Variants in NXPE4 observed in about 807,000 individuals in gnomAD.
NXPE4 encodes NXPE family member 4.
In NXPE4, 42 loss-of-function variants were observed where a neutral mutation model predicts 33.3. The observed-to-expected ratio is 1.26, with a 90% CI of 0.98 to 1.63. The LOEUF is 1.63. Among genes scored for constraint, NXPE4 ranks in the 40% most tolerant of loss-of-function variants. NXPE4 has a pLI of 0.00. For missense variants in NXPE4, 709 were observed against 647.6 expected, an observed-to-expected ratio of 1.09 and a Z score of -1.03; for synonymous variants, 253 against 234.9, an observed-to-expected ratio of 1.08 and a Z score of -0.71.
rs763871832 is a variant in NXPE4, at chr11:114,582,766, G to C, written c.352C>G (p.His118Asp). The stretch of plus-strand genomic sequence containing the variant: ...TGGTCCCTCACCTCCAGCAGGATGT[G>C]CAGCTGGTCTCCCCTGCAGTACGTA... Reference protein sequence around the residue: ...RDTYCRGDQLHILLEVRDHLG... With the variant: ...RDTYCRGDQLDILLEVRDHLG... The change falls in exon 3 of 6, where the codon CAC becomes GAC. Residue 118 changes from histidine (H) to aspartate (D), a missense_variant. By Grantham distance (81) the His-to-Asp change is moderately conservative. Transcript: ENST00000375478. 5.6e-6 allele frequency: 9 copies of C among 1,614,170 alleles called. No individual in the cohort carries two copies. Among genetic ancestry groups the C allele is most frequent in the Non-Finnish European group, 7.6e-6 (9 of 1,180,020 alleles).
At position 114,571,330 on chromosome 11, in the gene NXPE4, A is replaced by T; in HGVS notation, c.1243T>A (p.Tyr415Asn). The change falls in exon 6 of 6, where the codon TAC becomes AAC. Residue 415 changes from tyrosine to asparagine, a missense_variant. Transcript: ENST00000375478. ...GTTCTGTCAATGGCCCGGGTGAGGTACTCCATCTCTTTGACTGAATAGGTC... is the reference window on the plus strand; with the variant it reads ...GTTCTGTCAATGGCCCGGGTGAGGTTCTCCATCTCTTTGACTGAATAGGTC... ...SMTYSVKEME[Y>N]LTRAIDRTGG... is the part of the protein sequence containing the mutation. 6.2e-7 allele frequency: 1 copy of T among 1,613,974 alleles called. No homozygotes were observed. Among genetic ancestry groups the T allele is most frequent in the Non-Finnish European group, 8.5e-7 (1 of 1,179,930 alleles).
intron 5 of NXPE4, among the ~76,000 whole-genome samples, chr11:114,576,731 T>C (rs1949001462): frequency 6.6e-6 from 1 of 151,918 alleles, no homozygotes. Flanking sequence ...ACTTTTACAC[T>C]GTTGGTGGGA....
the NXPE4 span, among the ~76,000 whole-genome samples, chr11:114,603,315 G>C: frequency 1.3e-5 from 2 of 150,252 alleles, no homozygotes; most frequent in African/African-American, 2.5e-5. Context: ...CCTATTACCT[G>C]GTGGGTGATA....
rs182816747 is a variant in NXPE4, at chr11:114,588,961, G to A, written c.96+5703C>T. ...GAACCTCCTGAGGGTGGCCACCTTA[G>A]TCTTTTATAGTAGGGACCAGGAGGA... On this transcript the variant is annotated intron_variant, in intron 2 of 5. Coordinates refer to ENST00000375478, the MANE Select transcript of NXPE4 (RefSeq NM_001077639.2). 2.1e-3 allele frequency among the ~76,000 whole-genome samples: 321 copies of A among 152,244 alleles called. 5 individuals carry two copies. The highest frequency in any genetic ancestry group is 0.019 in the Admixed American group (287 of 15,286).
chr11:114,632,816 T>TA, the NXPE4 span, among the ~76,000 whole-genome samples: 2 of 10 alleles, frequency 0.2, no homozygotes, highest in Non-Finnish European at 0.25. Flanking sequence ...ATATATTATA[T>TA]ATATATAATT....
the NXPE4 span, among the ~76,000 whole-genome samples, chr11:114,623,671 GATA>G: frequency 6.6e-6 from 1 of 152,148 alleles, no homozygotes; most frequent in Non-Finnish European, 1.5e-5. Flanking sequence ...TTACCATGTG[GATA>G]ATAAGCATTG....
intron 2 of NXPE4, among the ~76,000 whole-genome samples, chr11:114,594,208 AT>A (rs1289320870): frequency 6.6e-6 from 1 of 152,154 alleles, no homozygotes; most frequent in Non-Finnish European, 1.5e-5. Context: ...ACAAGAAAGG[AT>A]AAATTCTTGA....
At chr11:114,597,359 G>A (rs1326567054), upstream of NXPE4, among the ~76,000 whole-genome samples, 1 of 152,120 alleles carries the variant, frequency 6.6e-6, no homozygotes, top group Non-Finnish European at 1.5e-5. Context: ...AACCAGGGGT[G>A]GACAAACTTT....
intron 2 of NXPE4, among the ~76,000 whole-genome samples, chr11:114,591,252 G>T (rs1169469281): frequency 1.3e-5 from 2 of 152,156 alleles, no homozygotes; most frequent in Non-Finnish European, 2.9e-5. Context: ...GCAAGGGAAA[G>T]GTAGCTAACA....
At chr11:114,620,990 C>A in the NXPE4 span, among the ~76,000 whole-genome samples, 1 of 152,154 alleles carries the variant, frequency 6.6e-6, no homozygotes. Flanking sequence ...CACTGTTGCC[C>A]TCTGGATAAT....
chr11:114,660,190 C>A, the NXPE4 span, among the ~76,000 whole-genome samples: 1 of 151,844 alleles, frequency 6.6e-6, no homozygotes, highest in Non-Finnish European at 1.5e-5. Flanking sequence ...AATGAAAAAT[C>A]AGGCCTAAAT....
the NXPE4 span, among the ~76,000 whole-genome samples, chr11:114,670,597 C>A: frequency 1.3e-4 from 20 of 151,842 alleles, no homozygotes; most frequent in African/African-American, 4.8e-4. Context: ...GAGGCTGAGG[C>A]AGGAGGATCA....
intron 5 of NXPE4, among the ~76,000 whole-genome samples, chr11:114,572,221 GC>G (rs1389322525): frequency 6.6e-6 from 1 of 152,132 alleles, no homozygotes; most frequent in Non-Finnish European, 1.5e-5. Context: ...CTGAATAGCA[GC>G]CCTTGAATCC....
chr11:114,638,473 T>C, the NXPE4 span, among the ~76,000 whole-genome samples: 1 of 152,106 alleles, frequency 6.6e-6, no homozygotes, highest in Admixed American at 6.6e-5. Context: ...CTCATCAAAG[T>C]CATTCTCCGT....
chr11:114,571,341 T>G lies in NXPE4; in HGVS notation c.1232A>C (p.Lys411Thr). The change falls in exon 6 of 6, where the codon AAA (lysine) becomes ACA (threonine). Residue 411 changes from lysine to threonine, a missense_variant. Coordinates refer to ENST00000375478, the MANE Select transcript of NXPE4 (RefSeq NM_001077639.2). ...GGCCCGGGTGAGGTACTCCATCTCTTTGACTGAATAGGTCATTGATCCTAT... is the reference window on the plus strand; with the variant it reads ...GGCCCGGGTGAGGTACTCCATCTCTGTGACTGAATAGGTCATTGATCCTAT... ...PLIGSMTYSVKEMEYLTRAID... is the reference protein window; with the variant it reads ...PLIGSMTYSVTEMEYLTRAID... 2.5e-5 allele frequency: 40 copies of G among 1,614,064 alleles called. No homozygotes were observed. The highest frequency in any genetic ancestry group is 3.4e-5 in the Non-Finnish European group (40 of 1,179,940).
the NXPE4 span, among the ~76,000 whole-genome samples, chr11:114,601,539 A>ATATATTATATATAAT: frequency 1.0e-5 from 1 of 98,668 alleles, no homozygotes; most frequent in Non-Finnish European, 2.0e-5. Context: ...TATATATAAT[A>ATATATTATATATAAT]TATATTATTT....
chr11:114,634,002 G>A, the NXPE4 span, among the ~76,000 whole-genome samples: 1 of 151,952 alleles, frequency 6.6e-6, no homozygotes, highest in Non-Finnish European at 1.5e-5. Flanking sequence ...TGGGTCAAAT[G>A]GTATTTCTAG....
At chr11:114,600,495 A>G (rs1400995262), upstream of NXPE4, among the ~76,000 whole-genome samples, 1 of 152,142 alleles carries the variant, frequency 6.6e-6, no homozygotes, top group Non-Finnish European at 1.5e-5. Context: ...CTTGAAAGCA[A>G]TGTATAACTT....
At chr11:114,615,778 A>T in the NXPE4 span, among the ~76,000 whole-genome samples, 2 of 151,660 alleles carry the variant, frequency 1.3e-5, no homozygotes, top group African/African-American at 4.9e-5. Context: ...CTCATGGGTA[A>T]CCACTGTTAC....
Sources: allele counts gnomAD v4.1 joint callset (sites outside exome capture counted in the v4.1 genomes callset), GRCh38; gene constraint gnomAD v4.1.1; transcripts MANE v1.5; gene names NCBI Gene and HGNC (gene_info 2026-07-23, HGNC 2026-07-21).